The following CFDP1 variants were observed in gnomAD, a reference collection of about 807,000 sequenced individuals.
CFDP1 encodes heterochromatin-stabilizing protein CFDP1.
CFDP1 carries 31 observed loss-of-function variants against 40.1 expected under a neutral mutation model. The observed-to-expected ratio is 0.77, with a 90% confidence interval of 0.58 to 1.04. CFDP1 has a LOEUF of 1.04. Among genes scored for constraint, CFDP1 ranks in the 50% least tolerant of loss-of-function variants. The pLI, the probability that CFDP1 is intolerant of heterozygous loss-of-function variation, is 0.00. For missense variants in CFDP1, 423 were observed against 343.4 expected (o/e 1.23, Z -1.83); for synonymous variants, 167 against 120.0 (o/e 1.39, Z -2.56).
rs748081401 is a variant in CFDP1 at position 75,346,582 on chromosome 16, C to CAAAA, written c.651-41404_651-41401dup. On this transcript the variant is annotated intron_variant, in intron 5 of 6. Transcript: ENST00000283882. Reference sequence around the variant, plus strand: ...TGGGTGACAGAGCAAGACTCTGTCTCAAAAAAAAAAAAAAAAAAAAAAAAA... The same window carrying CAAAA: ...TGGGTGACAGAGCAAGACTCTGTCTCAAAAAAAAAAAAAAAAAAAAAAAAAAAAA... 6.4e-4 allele frequency among the ~76,000 whole-genome samples: 38 copies of CAAAA among 59,344 alleles called. 3 individuals are homozygous for CAAAA. Among genetic ancestry groups the CAAAA allele is most frequent in the East Asian group, 6.0e-3 (10 of 1,666 alleles). 38.9% of individuals were successfully genotyped at this position (59,344 alleles called of 152,430 possible).
rs929966781 is a variant in CFDP1 at position 75,306,905 on chromosome 16, ACAC to A, written c.651-1726_651-1724del. On this transcript the variant is annotated intron_variant, in intron 5 of 6. Transcript: ENST00000283882. ...CACACACACACACACACACACACGC[ACAC>A]ACACACACTTTCTTTTTCACCATTT... Among the ~76,000 whole-genome samples the A allele has an allele frequency of 1.1e-4, 17 of 148,616 alleles. 2 individuals are homozygous for A. Among genetic ancestry groups the A allele is most frequent in the Admixed American group, 6.0e-4 (9 of 14,972 alleles).
chr16:75,404,278 C>A (rs1172710439), intron 4 of CFDP1, among the ~76,000 whole-genome samples: 1 of 149,494 alleles, frequency 6.7e-6, no homozygotes, highest in African/African-American at 2.5e-5. Context: ...CTCTGTTGCC[C>A]AGGCTGGAGT....
intron 5 of CFDP1, among the ~76,000 whole-genome samples, chr16:75,368,734 T>C (rs2078733122): frequency 6.6e-6 from 1 of 152,018 alleles, no homozygotes; most frequent in Non-Finnish European, 1.5e-5. Flanking sequence ...CTCAACCTCC[T>C]AGGCTCACGC....
chr16:75,393,369 A>T (rs1322936968), intron 5 of CFDP1, among the ~76,000 whole-genome samples: 1 of 152,136 alleles, frequency 6.6e-6, no homozygotes, highest in East Asian at 1.9e-4. Flanking sequence ...TTTCTGGGTA[A>T]ATGCAACCTA....
chr16:75,304,287 C>T (rs1482913030), intron 6 of CFDP1, among the ~76,000 whole-genome samples: 2 of 152,088 alleles, frequency 1.3e-5, no homozygotes, highest in Admixed American at 6.5e-5. Context: ...AGGCTGGTCT[C>T]GAAATCCTGA....
At chr16:75,349,974 G>A (rs2151525510) in intron 5 of CFDP1, among the ~76,000 whole-genome samples, 1 of 152,026 alleles carries the variant, frequency 6.6e-6, no homozygotes, top group East Asian at 1.9e-4. Flanking sequence ...TAGGAGAAAA[G>A]CATTCGGTTT....
At chr16:75,356,486 T>G (rs1031155860) in intron 5 of CFDP1, among the ~76,000 whole-genome samples, 5 of 152,202 alleles carry the variant, frequency 3.3e-5, no homozygotes, top group Admixed American at 3.3e-4. Flanking sequence ...TGGAAACAGA[T>G]GTGCTGTCAT....
intron 5 of CFDP1, among the ~76,000 whole-genome samples, chr16:75,315,331 CAAAAAAAAAAA>C (rs758174791): frequency 5.0e-4 from 24 of 47,802 alleles, no homozygotes; most frequent in African/African-American, 5.4e-4. Flanking sequence ...GACCCTATCT[CAAAAAAAAAAA>C]AAAAAAAAAA....
At chr16:75,306,797 C>A (rs1464659498) in intron 5 of CFDP1, among the ~76,000 whole-genome samples, 1 of 152,038 alleles carries the variant, frequency 6.6e-6, no homozygotes, top group Non-Finnish European at 1.5e-5. Flanking sequence ...CCAAATAGCT[C>A]TTTATGAGCT....
At chr16:75,418,256 A>G (rs1317907597) in intron 1 of CFDP1, among the ~76,000 whole-genome samples, 1 of 146,078 alleles carries the variant, frequency 6.8e-6, no homozygotes, top group African/African-American at 2.5e-5. Context: ...CTGTCTCAAA[A>G]AAAAAAAAAA....
At chr16:75,417,846 T>C (rs960878736) in intron 1 of CFDP1, among the ~76,000 whole-genome samples, 8 of 152,082 alleles carry the variant, frequency 5.3e-5, no homozygotes, top group African/African-American at 1.7e-4. Flanking sequence ...CTCTGTGTAG[T>C]AACATCAATG....
At chr16:75,323,635 C>T (rs996812196) in intron 5 of CFDP1, among the ~76,000 whole-genome samples, 5 of 151,930 alleles carry the variant, frequency 3.3e-5, no homozygotes, top group Non-Finnish European at 5.9e-5. Flanking sequence ...ACAAATTTGC[C>T]GGGCCTGGTG....
In CFDP1 at chr16:75,393,414, C is replaced by T. The variant is rs1053533801; in HGVS notation, c.650+1676G>A. 2.4e-4 allele frequency among the ~76,000 whole-genome samples: 36 copies of T among 152,042 alleles called. 1 individual carries two copies. Among genetic ancestry groups the T allele is most frequent in the Non-Finnish European group, 4.4e-5 (3 of 68,008 alleles). ...ACTAGTATAACTCTGTTGTTAAGAG[C>T]CAGGGCTGCAAAGATGGGGAAGGCC... On this transcript the variant is annotated intron_variant, in intron 5 of 6. Transcript: ENST00000283882.
chr16:75,303,203 T>G (rs1415713283), intron 6 of CFDP1, among the ~76,000 whole-genome samples: 1 of 138,818 alleles, frequency 7.2e-6, no homozygotes, highest in Non-Finnish European at 1.6e-5. Flanking sequence ...CCGTCTCTAC[T>G]AAAAATACAA....
Position 75,328,414 on chromosome 16 carries a change from G to A in CFDP1, c.651-23232C>T, listed in dbSNP as rs749716020. On this transcript the variant is annotated intron_variant, in intron 5 of 6. Transcript: ENST00000283882. ...AGCCTGGCCAACATGGTGAAACCCC[G>A]TCTCATCGAAAAATACAAAAAAAAA... 6.0e-4 allele frequency among the ~76,000 whole-genome samples: 88 copies of A among 146,524 alleles called. 1 individual carries two copies. The highest frequency in any genetic ancestry group is 8.5e-4 in the African/African-American group (34 of 40,092).
chr16:75,398,818 G>C lies in CFDP1; in HGVS notation c.531-3609C>G, dbSNP rs1316153525. On this transcript the variant is annotated intron_variant, in intron 4 of 6. Transcript: ENST00000283882. ...GCCTGTAATCCCAGCACTTTGGGAGGCTGAGGCGGGCAGATCACGAGGTCA... is the reference window on the plus strand; with the variant it reads ...GCCTGTAATCCCAGCACTTTGGGAGCCTGAGGCGGGCAGATCACGAGGTCA... Among the ~76,000 whole-genome samples, 3 of 152,244 alleles carry C rather than the reference G, an allele frequency of 2.0e-5. No individual in the cohort carries two copies. In the East Asian group the frequency reaches 5.8e-4, roughly 29 times the overall value.
intron 5 of CFDP1, among the ~76,000 whole-genome samples, chr16:75,325,293 C>T (rs1413483268): frequency 1.3e-5 from 2 of 152,208 alleles, no homozygotes; most frequent in Non-Finnish European, 2.9e-5. Context: ...CTTGTATAGT[C>T]CCCTTCAGGC....
At chr16:75,353,018 T>G (rs2078623235) in intron 5 of CFDP1, among the ~76,000 whole-genome samples, 4 of 152,206 alleles carry the variant, frequency 2.6e-5, no homozygotes, top group Admixed American at 2.6e-4. Context: ...ACTATGAGGA[T>G]GTAACCAGCA....
chr16:75,304,070 C>G (rs1432318849), intron 6 of CFDP1, among the ~76,000 whole-genome samples: 2 of 151,910 alleles, frequency 1.3e-5, no homozygotes, highest in Non-Finnish European at 2.9e-5. Context: ...TTCTCTCTCT[C>G]TCTCTCTTTC....
Sources: allele counts gnomAD v4.1 joint callset (sites outside exome capture counted in the v4.1 genomes callset), GRCh38; gene constraint gnomAD v4.1.1; transcripts MANE v1.5; gene names NCBI Gene and HGNC (gene_info 2026-07-23, HGNC 2026-07-21).